The following ZNF334 variants were observed in gnomAD, a reference collection of about 807,000 sequenced individuals.
ZNF334 encodes zinc finger protein 334.
A neutral mutation model predicts 12.4 loss-of-function variants in ZNF334; 14 were observed. The ratio of observed to expected loss-of-function variants is 1.13; its 90% CI spans 0.74 to 1.76. The LOEUF (loss-of-function observed/expected upper bound fraction) is 1.76, where lower values mean the gene tolerates loss of function less well. ZNF334 is among the 40% of genes most tolerant of loss of function. ZNF334 has a pLI of 0.00. For synonymous variants in ZNF334, 273 were observed against 269.6 expected (o/e 1.01, Z -0.12); for missense variants, 797 against 804.5 (o/e 0.99, Z 0.11).
In ZNF334 at chr20:46,501,113, T is replaced by TAAAAA; in HGVS notation, c.*182_*183insTTTTT. 1 of 670,560 alleles carries TAAAAA rather than the reference T, an allele frequency of 1.5e-6. No individual in the cohort carries two copies. Among genetic ancestry groups the TAAAAA allele is most frequent in the Non-Finnish European group, 2.4e-6 (1 of 421,820 alleles). The allele number at this position is 670,560 out of a possible 1,614,324, so 41.5% of individuals were successfully genotyped here. A position where few individuals can be genotyped will look rare whatever the true frequency, so the allele number is the denominator to read the frequency against. On this transcript the variant is annotated 3_prime_UTR_variant, in exon 5 of 5. Transcript: ENST00000692313. ...AGTTCACAATGAATAATACATTTAT[T>TAAAAA]AAACAAATTATTTCTTTCCTACATG... is the stretch of plus-strand genomic sequence containing the variant.
chr20:46,462,834 G>T, the ZNF334 span, among the ~76,000 whole-genome samples: 8 of 152,330 alleles, frequency 5.3e-5, no homozygotes, highest in East Asian at 1.5e-3. Context: ...AGGGATGAGA[G>T]GCTTATCACA....
the ZNF334 span, chr20:46,484,428 T>C: frequency 6.0e-6 from 1 of 167,104 alleles, no homozygotes; most frequent in Admixed American, 6.5e-5. Context: ...CGTGGAGGCA[T>C]GTATACATAT....
intron 2 of ZNF334, among the ~76,000 whole-genome samples, chr20:46,508,922 G>A (rs1211854848): frequency 6.6e-6 from 1 of 151,904 alleles, no homozygotes; most frequent in Non-Finnish European, 1.5e-5. Context: ...TGTAATAGTG[G>A]ATACATCAAG....
At chr20:46,511,229 TAAAA>T (rs11288508) in intron 2 of ZNF334, among the ~76,000 whole-genome samples, 1 of 132,162 alleles carries the variant, frequency 7.6e-6, no homozygotes. Context: ...TCATCTCAAT[TAAAA>T]AAAAAAAAAA....
In ZNF334 at chr20:46,509,796, G is replaced by C. The variant is rs138416447; in HGVS notation, c.21+2286C>G. ...GGTGTGGGTGGGTGGCATTAACTAA[G>C]AGAGATAAAGGGGATGGCAGAATAT... On this transcript the variant is annotated intron_variant, in intron 2 of 4. Coordinates refer to ENST00000692313, the MANE Select transcript of ZNF334 (RefSeq NM_001353824.2). The C allele has an allele frequency of 1.8e-4, 115 of 642,004 alleles. 1 individual carries two copies. The East Asian group carries it at 2.7e-3, about 15-fold the overall frequency. The allele number at this position is 642,004 out of a possible 1,614,324, so 39.8% of individuals were successfully genotyped here.
intron 2 of ZNF334, among the ~76,000 whole-genome samples, chr20:46,511,253 TTACAGAGC>T (rs2061640202): frequency 6.6e-6 from 1 of 150,576 alleles, no homozygotes; most frequent in Non-Finnish European, 1.5e-5. Context: ...AAAGACATGA[TTACAGAGC>T]TACAAAGAGA....
chr20:46,481,602 C>A, the ZNF334 span, among the ~76,000 whole-genome samples: 3 of 152,144 alleles, frequency 2.0e-5, no homozygotes, highest in Non-Finnish European at 1.5e-5. Context: ...GCGCAGGGAG[C>A]AATGGCTTAA....
chr20:46,479,803 C>T, the ZNF334 span, among the ~76,000 whole-genome samples: 1 of 152,152 alleles, frequency 6.6e-6, no homozygotes, highest in South Asian at 2.1e-4. Flanking sequence ...AGCCTGCTAC[C>T]TGGAGGCTTC....
At chr20:46,486,994 T>C in the ZNF334 span, among the ~76,000 whole-genome samples, 1 of 152,128 alleles carries the variant, frequency 6.6e-6, no homozygotes, top group African/African-American at 2.4e-5. Context: ...CTTTGTGGAA[T>C]TGAATATATT....
Position 46,501,382 on chromosome 20 carries a change from C to T in ZNF334, c.1957G>A (p.Glu653Lys). ...CATTTGTTACATTCATAAGGTTTCT[C>T]TCCTGTGTGTATTTTCTGATGTTCA... ...LTEHQKIHTG[E>K]KPYECNKCEK... Residue 653 changes from glutamate to lysine, a missense_variant, in exon 5 of 5, where the codon GAG becomes AAG. Transcript: ENST00000692313. The T allele has an allele frequency of 6.2e-7, 1 of 1,614,130 alleles. No homozygotes were observed. The highest frequency in any genetic ancestry group is 8.5e-7 in the Non-Finnish European group (1 of 1,180,002).
chr20:46,508,887 T>C (rs1054947843), intron 2 of ZNF334, among the ~76,000 whole-genome samples: 1 of 152,214 alleles, frequency 6.6e-6, no homozygotes, highest in Non-Finnish European at 1.5e-5. Context: ...TTATATATTT[T>C]TTATGTATAT....
At chr20:46,508,864 A>G (rs1247011661) in intron 2 of ZNF334, among the ~76,000 whole-genome samples, 1 of 152,220 alleles carries the variant, frequency 6.6e-6, no homozygotes, top group East Asian at 1.9e-4. Flanking sequence ...TGGCACTTGA[A>G]CACATAGTAT....
chr20:46,474,922 G>A, the ZNF334 span, among the ~76,000 whole-genome samples: 2 of 152,184 alleles, frequency 1.3e-5, no homozygotes, highest in African/African-American at 4.8e-5. Flanking sequence ...GAGAGACAGA[G>A]AGAAGAGAAG....
chr20:46,504,138 A>G, intron 4 of ZNF334, 76 bp downstream of exon 4: 2 of 1,001,170 alleles, frequency 2.0e-6, no homozygotes, highest in South Asian at 1.8e-5. Flanking sequence ...AAACATTACG[A>G]TGCCAACTAT....
chr20:46,497,654 A>G (rs905918657), downstream of ZNF334, among the ~76,000 whole-genome samples: 1 of 152,270 alleles, frequency 6.6e-6, no homozygotes, highest in African/African-American at 2.4e-5. Context: ...CAAAAATACA[A>G]ATGCTCCACA....
the ZNF334 span, chr20:46,464,686 A>T: frequency 2.5e-6 from 1 of 407,486 alleles, no homozygotes; most frequent in South Asian, 1.9e-5. Context: ...CTAGGGGCAA[A>T]GCAGCTTGTT....
chr20:46,475,090 G>A, the ZNF334 span, among the ~76,000 whole-genome samples: 2 of 152,104 alleles, frequency 1.3e-5, no homozygotes, highest in African/African-American at 4.8e-5. Context: ...GAAACCACAG[G>A]ATTTACTTGG....
intron 2 of ZNF334, chr20:46,506,410 G>A: frequency 2.1e-6 from 1 of 482,436 alleles, no homozygotes. Flanking sequence ...CTGATCGCTG[G>A]AGCTCAGAAG....
chr20:46,508,421 T>A (rs1201793399), intron 2 of ZNF334, among the ~76,000 whole-genome samples: 1 of 152,158 alleles, frequency 6.6e-6, no homozygotes, highest in East Asian at 1.9e-4. Flanking sequence ...GGACAAAGAA[T>A]ATGAGGACAG....
Sources: allele counts gnomAD v4.1 joint callset (sites outside exome capture counted in the v4.1 genomes callset), GRCh38; gene constraint gnomAD v4.1.1; transcripts MANE v1.5; gene names NCBI Gene and HGNC (gene_info 2026-07-23, HGNC 2026-07-21).